HIRA: variants seen among roughly 807,000 people sequenced by gnomAD.
HIRA encodes the protein histone cell cycle regulator.
HIRA carries 13 observed loss-of-function variants against 126.6 expected under a neutral mutation model. That is an observed-to-expected ratio of 0.10 (90% CI 0.07 to 0.16). HIRA has a LOEUF of 0.16. HIRA is among the 10% of genes least tolerant of loss of function. HIRA has a pLI of 1.00. For synonymous variants in HIRA, 511 were observed against 520.0 expected (o/e 0.98, Z 0.24); for missense variants, 834 against 1,314.4 (o/e 0.63, Z 5.65).
intron 7 of HIRA, among the ~76,000 whole-genome samples, 194 bp from the exon 8 acceptor site, chr22:19,394,703 A>C (rs2089208875): frequency 6.6e-6 from 1 of 152,190 alleles, no homozygotes; most frequent in Non-Finnish European, 1.5e-5. Context: ...ATGAATTTGG[A>C]AACTGCAGCA....
chr22:19,372,098 T>C (rs1192336243), intron 15 of HIRA, among the ~76,000 whole-genome samples: 1 of 152,206 alleles, frequency 6.6e-6, no homozygotes, highest in Non-Finnish European at 1.5e-5. Flanking sequence ...TATATGAGGG[T>C]TCCCTTTAGA....
At chr22:19,388,435 T>C (rs941422271) in intron 10 of HIRA, 49 bp downstream of exon 10, 2 of 1,450,226 alleles carry the variant, frequency 1.4e-6, no homozygotes, top group Admixed American at 1.7e-5. Flanking sequence ...TGTTCCAATG[T>C]GTGGCTTCTC....
intron 15 of HIRA, among the ~76,000 whole-genome samples, chr22:19,362,157 A>G (rs1462872586): frequency 6.6e-6 from 1 of 152,234 alleles, no homozygotes; most frequent in East Asian, 1.9e-4. Flanking sequence ...AGAAATGTTA[A>G]AAGTCTTTCA....
intron 10 of HIRA, 104 bp downstream of exon 10, chr22:19,388,380 A>G (rs2089147017): frequency 3.7e-6 from 3 of 818,480 alleles, no homozygotes; most frequent in Non-Finnish European, 6.3e-6. Flanking sequence ...ACACCTGGGG[A>G]GGGGCCACTG....
chr22:19,387,417 CT>C (rs1164520263), intron 11 of HIRA, among the ~76,000 whole-genome samples: 2 of 152,218 alleles, frequency 1.3e-5, no homozygotes, highest in African/African-American at 4.8e-5. Context: ...GTCACTTCAG[CT>C]CTTTCCCAGG....
At chr22:19,421,392 T>C (rs977692420) in intron 1 of HIRA, among the ~76,000 whole-genome samples, 7 of 152,154 alleles carry the variant, frequency 4.6e-5, no homozygotes, top group African/African-American at 7.2e-5. Flanking sequence ...ACCAAAGACA[T>C]TGGATTTGCT....
chr22:19,415,615 C>A (rs2089389753), intron 1 of HIRA, among the ~76,000 whole-genome samples: 1 of 151,964 alleles, frequency 6.6e-6, no homozygotes, highest in Non-Finnish European at 1.5e-5. Context: ...ATGGAGAAAC[C>A]CTGTCTCTAC....
At chr22:19,422,991 C>A (rs1224132879) in intron 1 of HIRA, among the ~76,000 whole-genome samples, 1 of 152,198 alleles carries the variant, frequency 6.6e-6, no homozygotes, top group Non-Finnish European at 1.5e-5. Flanking sequence ...CCCAGCAGGG[C>A]TGGCTGCGGC....
chr22:19,390,423 T>C (rs1248362614), intron 9 of HIRA, among the ~76,000 whole-genome samples: 1 of 151,514 alleles, frequency 6.6e-6, no homozygotes, highest in Non-Finnish European at 1.5e-5. Context: ...TGAAACCCCA[T>C]CTTTACTAAA....
intron 20 of HIRA, 32 bp downstream of exon 20, chr22:19,356,196 CAA>C: frequency 1.9e-6 from 3 of 1,603,220 alleles, no homozygotes; most frequent in Non-Finnish European, 2.6e-6. Context: ...CTTGGGCCCC[CAA>C]AAGAGTAGGG....
At chr22:19,403,093 C>A (rs1315690325) in intron 5 of HIRA, among the ~76,000 whole-genome samples, 6 of 121,112 alleles carry the variant, frequency 5.0e-5, no homozygotes, top group African/African-American at 2.2e-4. Flanking sequence ...CATAGTGAGA[C>A]ACAGTCTCAA....
intron 2 of HIRA, among the ~76,000 whole-genome samples, chr22:19,409,288 CTT>C (rs1556025180): frequency 2.1e-5 from 3 of 145,332 alleles, no homozygotes; most frequent in African/African-American, 2.5e-5. Flanking sequence ...GATTTCTTTT[CTT>C]TTTTTTTTTT....
At chr22:19,417,616 G>A (rs898383810) in intron 1 of HIRA, among the ~76,000 whole-genome samples, 2 of 152,048 alleles carry the variant, frequency 1.3e-5, no homozygotes, top group Admixed American at 6.5e-5. Flanking sequence ...GTGAGACTCC[G>A]TCTCAAAAAA....
rs371009097 is a variant in HIRA, at chr22:19,380,879, C to T, written c.1415+2741G>A. ...CCTCAGGTGATCTGCCTGCCTCGGC[C>T]TCCCAAAGTGCTGAGATTACAGTTG... On this transcript the variant is annotated intron_variant, in intron 13 of 24. Transcript: ENST00000263208. Among the ~76,000 whole-genome samples, 19 of 152,312 alleles carry T rather than the reference C, an allele frequency of 1.2e-4. No homozygotes were observed. The South Asian group carries it at 3.9e-3, about 32-fold the overall frequency.
chr22:19,420,578 C>G (rs139324588), intron 1 of HIRA, among the ~76,000 whole-genome samples: 4 of 152,092 alleles, frequency 2.6e-5, no homozygotes, highest in African/African-American at 9.6e-5. Context: ...TCTTTCCCCC[C>G]TCATTTTGCA....
chr22:19,356,390 A>C (rs2146192704), intron 19 of HIRA, 102 bp from the exon 20 acceptor site: 2 of 954,690 alleles, frequency 2.1e-6, no homozygotes, highest in Non-Finnish European at 3.3e-6. Flanking sequence ...TGCGACCCTA[A>C]CCCTGGCCTC....
intron 15 of HIRA, among the ~76,000 whole-genome samples, chr22:19,375,324 G>C (rs2089007510): frequency 6.6e-6 from 1 of 152,138 alleles, no homozygotes; most frequent in South Asian, 2.1e-4. Context: ...TGCAAACTCT[G>C]GGCTCCATCC....
chr22:19,379,040 T>C (rs1403502587), intron 13 of HIRA, among the ~76,000 whole-genome samples: 2 of 151,816 alleles, frequency 1.3e-5, no homozygotes, highest in Non-Finnish European at 1.5e-5. Context: ...TTTTCTTTTT[T>C]TTTTTTGAGA....
In HIRA at chr22:19,387,830, C is replaced by T. The variant is rs1286956873; in HGVS notation, c.1008-14G>A. ...CCATTCAGAGTCCTGAAAGACATGGCCATCAGCAGCCTGGTAGCAAGAGCC... is the reference window on the plus strand; with the variant it reads ...CCATTCAGAGTCCTGAAAGACATGGTCATCAGCAGCCTGGTAGCAAGAGCC... On this transcript the variant is annotated splice_polypyrimidine_tract_variant and intron_variant, in intron 10 of 24. Coordinates refer to ENST00000263208, the MANE Select transcript of HIRA (RefSeq NM_003325.4). 6.3e-7 allele frequency: 1 copy of T among 1,591,336 alleles called. No homozygotes were observed. The highest frequency in any genetic ancestry group is 1.7e-4 in the Middle Eastern group (1 of 6,032).
Sources: gnomAD v4.1 joint callset for allele counts (sites outside exome capture counted in the v4.1 genomes callset) on GRCh38, gnomAD v4.1.1 for gene constraint, MANE v1.5 for transcripts, NCBI Gene and HGNC (gene_info 2026-07-23, HGNC 2026-07-21) for gene names.